CFAP47: variants seen among roughly 807,000 people sequenced by gnomAD.
CFAP47 encodes the protein cilia- and flagella-associated protein 47.
CFAP47 carries 29 observed loss-of-function variants against 148.1 expected under a neutral mutation model. The ratio of observed to expected loss-of-function variants is 0.20; its 90% CI spans 0.15 to 0.27. The LOEUF is 0.27. CFAP47 is among the 10% of genes least tolerant of loss of function. The pLI, the probability that CFAP47 is intolerant of heterozygous loss-of-function variation, is 1.00. For missense variants in CFAP47, 1,872 were observed against 1,697.5 expected (o/e 1.10, Z -1.81); for synonymous variants, 664 against 577.3 (o/e 1.15, Z -2.15).
Position 36,292,202 on chromosome X carries a change from G to C in CFAP47, c.7686+6476G>C, listed in dbSNP as rs183893104. ...GTCATATGGTGGAGGATTGGGGATT[G>C]GGGTGGGTATAAGGCATGACATCAT... On this transcript the variant is annotated intron_variant, in intron 51 of 63. Transcript: ENST00000378653. 7.2e-5 allele frequency among the ~76,000 whole-genome samples: 8 copies of C among 111,101 alleles called. No individual in the cohort carries two copies. In the East Asian group the frequency reaches 2.3e-3, roughly 32 times the overall value.
chrX:36,191,291 A>G (rs2146875882), intron 42 of CFAP47, among the ~76,000 whole-genome samples: 1 of 111,888 alleles, frequency 8.9e-6, no homozygotes, highest in East Asian at 2.8e-4. Flanking sequence ...ACAAAATACT[A>G]GAGTTAATTC....
intron 42 of CFAP47, among the ~76,000 whole-genome samples, chrX:36,198,222 T>A (rs782463247): frequency 1.8e-5 from 2 of 111,187 alleles, no homozygotes; most frequent in Non-Finnish European, 1.9e-5. Flanking sequence ...AAGACATCAA[T>A]CAATACATGT....
intron 3 of CFAP47, among the ~76,000 whole-genome samples, chrX:35,944,469 C>T (rs1936056625): frequency 1.8e-5 from 2 of 111,490 alleles, no homozygotes; most frequent in Admixed American, 1.9e-4. Flanking sequence ...CTGTTAAATC[C>T]ATATGAGCAT....
At chrX:36,055,330 C>A (rs1033620938) in intron 26 of CFAP47, among the ~76,000 whole-genome samples, 1 of 110,707 alleles carries the variant, frequency 9.0e-6, no homozygotes, top group African/African-American at 3.3e-5. Flanking sequence ...CTGCTCCCCA[C>A]TGACAGGCCC....
intron 21 of CFAP47, among the ~76,000 whole-genome samples, chrX:36,012,638 G>A (rs1285143238): frequency 9.0e-6 from 1 of 110,943 alleles, no homozygotes; most frequent in Non-Finnish European, 1.9e-5. Flanking sequence ...CACAGGGAGG[G>A]GGACAACACA....
intron 42 of CFAP47, among the ~76,000 whole-genome samples, chrX:36,195,866 CTG>C (rs1359717544): frequency 1.8e-5 from 2 of 111,801 alleles, no homozygotes; most frequent in Admixed American, 9.5e-5. Context: ...GAAAGAGAGA[CTG>C]TAGATTTCAT....
At chrX:36,072,945 C>T (rs779840807) in intron 28 of CFAP47, among the ~76,000 whole-genome samples, 194 bp from the exon 29 acceptor site, 2 of 111,673 alleles carry the variant, frequency 1.8e-5, no homozygotes, top group Admixed American at 9.5e-5. Flanking sequence ...TAAAACGTTT[C>T]TCTTAGGTAC....
chrX:36,341,901 T>C lies in CFAP47; in HGVS notation c.8444-6228T>C, dbSNP rs782628185. ...ATTAAATATGCATATTTTCCCGAGATGCTTAGTAGAGTTGAACTTTAAGAA... is the reference window on the plus strand; with the variant it reads ...ATTAAATATGCATATTTTCCCGAGACGCTTAGTAGAGTTGAACTTTAAGAA... On this transcript the variant is annotated intron_variant, in intron 57 of 63. Coordinates refer to ENST00000378653, the MANE Select transcript of CFAP47 (RefSeq NM_001304548.2). Among the ~76,000 whole-genome samples, 7 of 110,535 alleles carry C rather than the reference T, an allele frequency of 6.3e-5. No homozygotes were observed. In the South Asian group the frequency reaches 2.7e-3, roughly 43 times the overall value.
rs773573444 is a variant in CFAP47, at chrX:35,971,298, A to G, written c.1971-288A>G. 3.1e-4 allele frequency among the ~76,000 whole-genome samples: 35 copies of G among 112,228 alleles called. No homozygotes were observed. The South Asian group carries it at 0.01, about 33-fold the overall frequency. The stretch of plus-strand genomic sequence containing the variant: ...GGGTCTCTTGAGACTAAATTTTACC[A>G]CAAAGTTGTTGCTGGCTTGAGCCAA... On this transcript the variant is annotated intron_variant, in intron 11 of 63. Transcript: ENST00000378653.
chrX:36,080,898 G>A (rs1937966758), intron 29 of CFAP47, among the ~76,000 whole-genome samples: 1 of 111,559 alleles, frequency 9.0e-6, no homozygotes, highest in South Asian at 3.7e-4. Flanking sequence ...CCTGCACATT[G>A]TGCACATGCA....
chrX:36,045,281 G>A (rs951828769), intron 25 of CFAP47, among the ~76,000 whole-genome samples: 11 of 111,613 alleles, frequency 9.9e-5, no homozygotes, highest in African/African-American at 3.6e-4. Context: ...GTCCTGAAGG[G>A]GTAATGAAAT....
chrX:36,119,720 G>A (rs185418745), intron 33 of CFAP47, among the ~76,000 whole-genome samples: 39 of 111,481 alleles, frequency 3.5e-4, no homozygotes, highest in Non-Finnish European at 6.4e-4. Flanking sequence ...TTTTTATTAT[G>A]GCTTCATTCA....
intron 48 of CFAP47, among the ~76,000 whole-genome samples, chrX:36,238,198 G>A (rs1260183566): frequency 9.0e-6 from 1 of 111,063 alleles, no homozygotes; most frequent in Admixed American, 9.6e-5. Context: ...TGAATCATGT[G>A]GGTGGATTTT....
intron 40 of CFAP47, among the ~76,000 whole-genome samples, chrX:36,180,241 C>G (rs1291295329): frequency 1.4e-5 from 1 of 72,382 alleles, no homozygotes; most frequent in African/African-American, 3.8e-5. Flanking sequence ...AATAATGAAA[C>G]AGGATTTTTA....
intron 2 of CFAP47, among the ~76,000 whole-genome samples, chrX:35,939,968 CTT>C (rs1465212664): frequency 9.2e-6 from 1 of 108,677 alleles, no homozygotes; most frequent in Admixed American, 9.9e-5. Flanking sequence ...TGTTTCCTGA[CTT>C]TTTCATGATC....
intron 22 of CFAP47, among the ~76,000 whole-genome samples, chrX:36,029,558 C>T (rs890657648): frequency 1.8e-5 from 2 of 110,608 alleles, no homozygotes; most frequent in African/African-American, 3.3e-5. Context: ...CTATAACCCA[C>T]AGGTTTTGAT....
At chrX:36,070,397 G>T (rs1330396678) in intron 27 of CFAP47, among the ~76,000 whole-genome samples, 1 of 110,887 alleles carries the variant, frequency 9.0e-6, no homozygotes, top group Non-Finnish European at 1.9e-5. Context: ...TAGGAGCTGG[G>T]ACTTGACACC....
At chrX:36,131,917 A>G (rs1481126033) in intron 33 of CFAP47, among the ~76,000 whole-genome samples, 6 of 111,254 alleles carry the variant, frequency 5.4e-5, no homozygotes, top group African/African-American at 1.9e-4. Context: ...AAAATATTTT[A>G]AAAGAAGATA....
rs782691421 is a variant in CFAP47 at position 36,303,905 on chromosome X, A to G, written c.8027A>G (p.Gln2676Arg). Residue 2676 changes from glutamine to arginine, a missense_variant, in exon 54 of 64, where the codon CAA (glutamine) becomes CGA (arginine). Physicochemically the swap from Gln to Arg is conservative, Grantham distance 43. Coordinates refer to ENST00000378653, the MANE Select transcript of CFAP47 (RefSeq NM_001304548.2). ...VNCTHETLKL[Q>R]VTNSNPENFV... ...TGTACGCATGAAACCTTAAAATTGC[A>G]AGTAACAAACAGTAATCCTGAAAAT... 4.4e-5 allele frequency: 50 copies of G among 1,147,431 alleles called. No individual in the cohort carries two copies. Among genetic ancestry groups the G allele is most frequent in the Middle Eastern group, 4.7e-4 (2 of 4,257 alleles). The allele number at this position is 1,147,431 out of a possible 1,213,427, so 94.6% of individuals were successfully genotyped here.
Sources: gnomAD v4.1 joint callset for allele counts (sites outside exome capture counted in the v4.1 genomes callset) on GRCh38, gnomAD v4.1.1 for gene constraint, MANE v1.5 for transcripts, NCBI Gene and HGNC (gene_info 2026-07-23, HGNC 2026-07-21) for gene names.